RIMBP2: variants seen among roughly 807,000 people sequenced by gnomAD.
The protein encoded by RIMBP2 is RIMS binding protein 2.
In RIMBP2, 48 loss-of-function variants were observed where a neutral mutation model predicts 118.6. The ratio of observed to expected loss-of-function variants is 0.40; its 90% CI spans 0.32 to 0.51. The LOEUF is 0.51. Ranked by LOEUF, RIMBP2 falls within the 20% of genes least tolerant of loss-of-function variation. The pLI, the probability that RIMBP2 is intolerant of heterozygous loss-of-function variation, is 0.41. For synonymous variants in RIMBP2, 762 were observed against 742.9 expected (o/e 1.03, Z -0.42); for missense variants, 1,551 against 1,768.3 (o/e 0.88, Z 2.20).
intron 3 of RIMBP2, among the ~76,000 whole-genome samples, chr12:130,507,451 G>C (rs762057980): frequency 1.3e-5 from 2 of 152,196 alleles, no homozygotes; most frequent in Non-Finnish European, 2.9e-5. Context: ...AGATACAAGT[G>C]TTTTCCCACT....
chr12:130,634,449 C>T (rs1029515693), intron 1 of RIMBP2, among the ~76,000 whole-genome samples: 8 of 152,136 alleles, frequency 5.3e-5, no homozygotes, highest in African/African-American at 9.7e-5. Context: ...GAACAATTAG[C>T]CTCAGGCAGG....
At position 130,664,421 on chromosome 12, in the gene RIMBP2, G is replaced by GCA. The variant is rs1183862189; in HGVS notation, c.-351-35967_-351-35966dup. 6.2e-5 allele frequency among the ~76,000 whole-genome samples: 5 copies of GCA among 80,822 alleles called. 1 individual carries two copies. Among genetic ancestry groups the GCA allele is most frequent in the African/African-American group, 2.0e-4 (5 of 25,452 alleles). The allele number at this position is 80,822 out of a possible 152,430, so 53.0% of individuals were successfully genotyped here. A position where few individuals can be genotyped will look rare whatever the true frequency, so the allele number is the denominator to read the frequency against. On this transcript the variant is annotated intron_variant, in intron 1 of 22. Coordinates refer to ENST00000690449, the MANE Select transcript of RIMBP2 (RefSeq NM_001393629.1). ...CACGCACGCACGCACGCACACACAC[G>GCA]CACACACATGCATGCACGCACACAC...
intron 2 of RIMBP2, among the ~76,000 whole-genome samples, chr12:130,541,788 G>A (rs879519201): frequency 2.6e-5 from 4 of 152,346 alleles, no homozygotes; most frequent in African/African-American, 4.8e-5. Context: ...CCATGCTGCA[G>A]ACACTGTATT....
rs1165951347 is a variant in RIMBP2, at chr12:130,576,432, CTGGCAGG to C, written c.-217+51883_-217+51889del. 1.3e-5 allele frequency among the ~76,000 whole-genome samples: 2 copies of C among 152,102 alleles called. No individual in the cohort carries two copies. The highest frequency in any genetic ancestry group is 2.9e-5 in the Non-Finnish European group (2 of 68,002). ...CCCTAAACACACTACCCGTGGGCAGCTGGCAGGTGGCCAGCTGCATGCCGGCATCCAA... is the reference window on the plus strand; with the variant it reads ...CCCTAAACACACTACCCGTGGGCAGCTGGCCAGCTGCATGCCGGCATCCAA... On this transcript the variant is annotated intron_variant, in intron 2 of 22. Transcript: ENST00000690449. The surrounding 1 kb of genome is among the most constrained non-coding windows in gnomAD (Gnocchi z 4.2).
intron 2 of RIMBP2, among the ~76,000 whole-genome samples, chr12:130,524,889 G>T (rs1054401322): frequency 6.6e-6 from 1 of 152,188 alleles, no homozygotes; most frequent in African/African-American, 2.4e-5. Context: ...GCAGAGGCAG[G>T]GAGGAGGGAG....
intron 6 of RIMBP2, among the ~76,000 whole-genome samples, chr12:130,464,485 G>A (rs997360684): frequency 6.6e-6 from 1 of 152,100 alleles, no homozygotes; most frequent in Admixed American, 6.5e-5. Context: ...CCTACTATGT[G>A]CCAGGCCCTA....
At position 130,450,303 on chromosome 12, in the gene RIMBP2, G is replaced by C; in HGVS notation, c.505-27C>G. On this transcript the variant is annotated intron_variant, in intron 8 of 22. Transcript: ENST00000690449. This position sits in a 1 kb window ranked among gnomAD's most constrained non-coding sequence, Gnocchi z 4.8. Reference sequence around the variant, plus strand: ...TGTGAAAAAGGCAATGGGTGTGTGGGTTATTGAAGCTGGAGGTGTCCCACC... The same window carrying C: ...TGTGAAAAAGGCAATGGGTGTGTGGCTTATTGAAGCTGGAGGTGTCCCACC... 6.4e-7 allele frequency: 1 copy of C among 1,562,528 alleles called. No individual in the cohort carries two copies. The highest frequency in any genetic ancestry group is 8.8e-7 in the Non-Finnish European group (1 of 1,140,170).
chr12:130,476,670 A>G (rs1019780665), intron 5 of RIMBP2, among the ~76,000 whole-genome samples: 3 of 152,082 alleles, frequency 2.0e-5, no homozygotes, highest in African/African-American at 7.2e-5. Context: ...TGCTCCTTGA[A>G]CTGTCACCTG....
chr12:130,674,877 G>T (rs541704614), intron 1 of RIMBP2, among the ~76,000 whole-genome samples: 2 of 152,296 alleles, frequency 1.3e-5, no homozygotes, highest in East Asian at 3.9e-4. Flanking sequence ...GGCCTTCCGG[G>T]TCCGGCCTCT....
intron 1 of RIMBP2, among the ~76,000 whole-genome samples, chr12:130,685,394 G>T (rs866909356): frequency 3.3e-5 from 5 of 152,164 alleles, no homozygotes; most frequent in Admixed American, 1.3e-4. Flanking sequence ...TGTTAAAAAT[G>T]GAACCAGGAA....
intron 7 of RIMBP2, among the ~76,000 whole-genome samples, chr12:130,455,974 G>A (rs2079402365): frequency 6.6e-6 from 1 of 152,188 alleles, no homozygotes; most frequent in African/African-American, 2.4e-5. Flanking sequence ...GCAGGACTGT[G>A]ATGGGCGAGG....
Position 130,529,131 on chromosome 12 carries a change from G to A in RIMBP2, c.-216-11214C>T, listed in dbSNP as rs79580667. Among the ~76,000 whole-genome samples, 1,319 of 141,228 alleles carry A rather than the reference G, an allele frequency of 9.3e-3. 14 individuals are homozygous for A. The highest frequency in any genetic ancestry group is 0.03 in the African/African-American group (1,125 of 37,136). 92.7% of individuals were successfully genotyped at this position (141,228 alleles called of 152,430 possible). On this transcript the variant is annotated intron_variant, in intron 2 of 22. Coordinates refer to ENST00000690449, the MANE Select transcript of RIMBP2 (RefSeq NM_001393629.1). ...TTCTTCAGCCTACAGAAGGAATGAC[G>A]TGCTGATTCACACCACAACAGGGAT...
Position 130,407,734 on chromosome 12 carries a change from C to A in RIMBP2, c.3685G>T (p.Asp1229Tyr), listed in dbSNP as rs765553561. 5 of 1,613,416 alleles carry A rather than the reference C, an allele frequency of 3.1e-6. No individual in the cohort carries two copies. The highest frequency in any genetic ancestry group is 1.3e-5 in the African/African-American group (1 of 74,870). ...CAGTGTTTGGCTGGTACCTCGACAT[C>A]GACGTTGGGCGAGCTTTCTCTGGGG... is the stretch of plus-strand genomic sequence containing the variant. The part of the protein sequence containing the change: ...YDPRESSPNV[D>Y]VEAELTFCTG... The change falls in exon 20 of 23, where the codon GAT becomes TAT. Residue 1229 changes from aspartate to tyrosine, a missense_variant. By Grantham distance (160) the Asp-to-Tyr change is radical. Around this residue, in one of 5 missense-constraint regions of RIMBP2, gnomAD observed 1,038 missense variants for 1,125.1 expected, o/e 0.92. Coordinates refer to ENST00000690449, the MANE Select transcript of RIMBP2 (RefSeq NM_001393629.1).
In RIMBP2 at chr12:130,447,817, A is replaced by T. The variant is rs1204806060; in HGVS notation, c.581+2383T>A. On this transcript the variant is annotated intron_variant, in intron 9 of 22. Coordinates refer to ENST00000690449, the MANE Select transcript of RIMBP2 (RefSeq NM_001393629.1). This position sits in a 1 kb window ranked among gnomAD's most constrained non-coding sequence, Gnocchi z 4.4. Reference sequence around the variant, plus strand: ...CTGCACCAGATGGAAGGGAGGAGACATGGACACAGAGGCAGCCCCTGCATG... The same window carrying T: ...CTGCACCAGATGGAAGGGAGGAGACTTGGACACAGAGGCAGCCCCTGCATG... Among the ~76,000 whole-genome samples, 1 of 152,208 alleles carries T rather than the reference A, an allele frequency of 6.6e-6. No homozygotes were observed. Among genetic ancestry groups the T allele is most frequent in the African/African-American group, 2.4e-5 (1 of 41,456 alleles).
At chr12:130,532,612 C>A (rs1275100196) in intron 2 of RIMBP2, among the ~76,000 whole-genome samples, 1 of 143,526 alleles carries the variant, frequency 7.0e-6, no homozygotes, top group Non-Finnish European at 1.5e-5. Flanking sequence ...TAATGAGATG[C>A]GTATGCTTAG....
In RIMBP2 at chr12:130,424,255, G is replaced by T; in HGVS notation, c.3016C>A (p.Pro1006Thr). 1 of 1,231,768 alleles carries T rather than the reference G, an allele frequency of 8.1e-7. No homozygotes were observed. The allele number at this position is 1,231,768 out of a possible 1,614,324, so 76.3% of individuals were successfully genotyped here. The change falls in exon 16 of 23, where the codon CCC becomes ACC. Residue 1006 changes from proline (P) to threonine (T), a missense_variant. Physicochemically the swap from Pro to Thr is conservative, Grantham distance 38. Transcript: ENST00000690449. The surrounding 1 kb of genome is among the most constrained non-coding windows in gnomAD (Gnocchi z 9.8). ...CCCCGAAAATCTTGGTGCTCGGTGG[G>T]CTCGCCCCAGCCGTGCTTCCTGGGG... ...PPPRKHGWGE[P>T]TEHQDFRGVW...
intron 1 of RIMBP2, among the ~76,000 whole-genome samples, chr12:130,649,094 G>A (rs1184834561): frequency 6.9e-6 from 1 of 145,966 alleles, no homozygotes; most frequent in Non-Finnish European, 1.6e-5. Flanking sequence ...CCTGCCCTTC[G>A]TGGCGGCCGA....
rs1444420554 is a variant in RIMBP2, at chr12:130,688,922, C to T, written c.-352+27300G>A. Among the ~76,000 whole-genome samples the T allele has an allele frequency of 2.0e-5, 3 of 152,242 alleles. No homozygotes were observed. The highest frequency in any genetic ancestry group is 1.3e-4 in the Admixed American group (2 of 15,290). ...CCACTCTTGCCCAGCAGAACTGGAG[C>T]GAAGGTCGGTCGCAGGCAGCAGAGA... On this transcript the variant is annotated intron_variant, in intron 1 of 22. Coordinates refer to ENST00000690449, the MANE Select transcript of RIMBP2 (RefSeq NM_001393629.1). The surrounding 1 kb of genome is among the most constrained non-coding windows in gnomAD (Gnocchi z 4.7).
At chr12:130,542,533 G>T (rs1319598607) in intron 2 of RIMBP2, among the ~76,000 whole-genome samples, 1 of 152,192 alleles carries the variant, frequency 6.6e-6, no homozygotes, top group Non-Finnish European at 1.5e-5. Flanking sequence ...TGAGAAGAGG[G>T]TGGGAGATGA....
Sources: gnomAD v4.1 joint callset for allele counts (sites outside exome capture counted in the v4.1 genomes callset) on GRCh38, gnomAD v4.1.1 for gene constraint, gnomAD v4.1.1 regional missense constraint, Gnocchi (gnomAD v3.1) non-coding constraint, MANE v1.5 for transcripts, NCBI Gene and HGNC (gene_info 2026-07-23, HGNC 2026-07-21) for gene names.